Variants in TDRD12 observed in about 807,000 individuals in gnomAD.
TDRD12 encodes the protein tudor domain containing 12.
In TDRD12, 158 loss-of-function variants were observed where a neutral mutation model predicts 133.5. The observed-to-expected ratio is 1.18, with a 90% CI of 1.04 to 1.35. The LOEUF (loss-of-function observed/expected upper bound fraction) is 1.35, where lower values mean the gene tolerates loss of function less well. Among genes scored for constraint, TDRD12 ranks in the 40% most tolerant of loss-of-function variants. The pLI is 0.00. For synonymous variants in TDRD12, 460 were observed against 477.9 expected (o/e 0.96, Z 0.49); for missense variants, 1,443 against 1,321.3 (o/e 1.09, Z -1.43).
chr19:32,815,429 AT>A lies in TDRD12; in HGVS notation c.3142-13del. 6.6e-7 allele frequency: 1 copy of A among 1,525,824 alleles called. No homozygotes were observed. Among genetic ancestry groups the A allele is most frequent in the Non-Finnish European group, 8.8e-7 (1 of 1,140,124 alleles). The allele number at this position is 1,525,824 out of a possible 1,614,324, so 94.5% of individuals were successfully genotyped here. ...TCAGAGTGATTACTGCTAATGTTCA[AT>A]TTTTTCATTGATTCAAGGTGCACAT... On this transcript the variant is annotated intron_variant, in intron 25 of 27. Coordinates refer to ENST00000444215, the Ensembl canonical transcript of TDRD12.
At chr19:32,826,076 A>G (rs1182421486), downstream of TDRD12, 10 of 1,533,972 alleles carry the variant, frequency 6.5e-6, no homozygotes, top group Non-Finnish European at 8.7e-6. Context: ...CTGTAGGAAA[A>G]TATGACCTTG....
downstream of TDRD12, among the ~76,000 whole-genome samples, chr19:32,824,829 C>T (rs927638770): frequency 1.3e-5 from 2 of 152,004 alleles, no homozygotes; most frequent in Admixed American, 6.6e-5. Context: ...GGCCATGGCG[C>T]TCCTGTGATT....
At chr19:32,792,075 G>A (rs932015365) in intron 13 of TDRD12, among the ~76,000 whole-genome samples, 7 of 151,886 alleles carry the variant, frequency 4.6e-5, no homozygotes, top group East Asian at 1.9e-4. Flanking sequence ...GTGAAACCCC[G>A]TCTCTACTAA....
chr19:32,779,890 G>C, intron 11 of TDRD12, among the ~76,000 whole-genome samples: 1 of 152,074 alleles, frequency 6.6e-6, no homozygotes, highest in Non-Finnish European at 1.5e-5. Flanking sequence ...CGTCATCTCT[G>C]ATATTTAATG....
At position 32,749,764 on chromosome 19, in the gene TDRD12, T is replaced by C; in HGVS notation, c.497-20T>C. ...TACTTTTAACATCAGCTGATTTGTG[T>C]TTTCATTTATGCTATTTAGCAACTA... On this transcript the variant is annotated intron_variant, in intron 5 of 27. Transcript: ENST00000444215. 4.6e-6 allele frequency: 7 copies of C among 1,513,508 alleles called. No individual in the cohort carries two copies. The highest frequency in any genetic ancestry group is 6.3e-6 in the Non-Finnish European group (7 of 1,117,178). The allele number at this position is 1,513,508 out of a possible 1,614,324, so 93.8% of individuals were successfully genotyped here.
At position 32,745,079 on chromosome 19, in the gene TDRD12, C is replaced by T. The variant is rs190474607; in HGVS notation, c.440+2179C>T. Among the ~76,000 whole-genome samples the T allele has an allele frequency of 7.9e-5, 12 of 152,354 alleles. No individual in the cohort carries two copies. In the South Asian group the frequency reaches 2.1e-3, roughly 26 times the overall value. ...AGGCCGCCCTCCAGCCAGCCCCCCCCACTACTCACCGAAGGCTCTGGGAGT... is the reference window on the plus strand; with the variant it reads ...AGGCCGCCCTCCAGCCAGCCCCCCCTACTACTCACCGAAGGCTCTGGGAGT... On this transcript the variant is annotated intron_variant, in intron 4 of 27. Transcript: ENST00000444215.
chr19:32,787,791 G>C (rs1970951951), intron 11 of TDRD12, among the ~76,000 whole-genome samples: 1 of 152,218 alleles, frequency 6.6e-6, no homozygotes, highest in Admixed American at 6.5e-5. Context: ...TGTGAAGACT[G>C]GGAAAAGCGC....
In TDRD12 at chr19:32,801,828, G is replaced by T; in HGVS notation, c.2152G>T (p.Glu718Ter). The T allele has an allele frequency of 6.8e-7, 1 of 1,465,902 alleles. No homozygotes were observed. The highest frequency in any genetic ancestry group is 1.3e-5 in the South Asian group (1 of 78,056). 90.8% of individuals were successfully genotyped at this position (1,465,902 alleles called of 1,614,324 possible). Residue 718 changes from glutamate (E) to a stop codon, truncating the protein, a stop_gained, in exon 19 of 28, where the codon GAA (glutamate) becomes TAA (stop). Coordinates refer to ENST00000444215, the Ensembl canonical transcript of TDRD12. LOFTEE classifies it high-confidence loss of function. ...GATTTTTAACTTACAAAATGTTTTA[G>T]AACAGTGGAAGAAGAAGTTAAGTTC... is the stretch of plus-strand genomic sequence containing the variant.
exon 1 of TDRD12, chr19:32,719,781 CG>C (rs1251573554): frequency 1.9e-6 from 1 of 530,638 alleles, no homozygotes; most frequent in African/African-American, 2.0e-5. Flanking sequence ...TCAGCGTGCG[CG>C]GGCATCCGGT....
chr19:32,793,711 C>T (rs1483323829), intron 13 of TDRD12, among the ~76,000 whole-genome samples: 3 of 151,836 alleles, frequency 2.0e-5, no homozygotes, highest in Non-Finnish European at 2.9e-5. Flanking sequence ...GGAAAAGCCA[C>T]ATCTTTGATC....
At chr19:32,760,168 G>T (rs1453264579) in intron 8 of TDRD12, among the ~76,000 whole-genome samples, 1 of 152,206 alleles carries the variant, frequency 6.6e-6, no homozygotes, top group African/African-American at 2.4e-5. Flanking sequence ...AGGAGTCCCA[G>T]CTTGCTGGGC....
At chr19:32,732,601 T>G (rs1969093173) in intron 2 of TDRD12, among the ~76,000 whole-genome samples, 1 of 152,206 alleles carries the variant, frequency 6.6e-6, no homozygotes. Context: ...CCTCCTTGCC[T>G]TCTTGCAGAC....
At chr19:32,730,678 G>A (rs1424607060) in intron 1 of TDRD12, among the ~76,000 whole-genome samples, 1 of 150,350 alleles carries the variant, frequency 6.7e-6, no homozygotes, top group Non-Finnish European at 1.5e-5. Context: ...CAAATCTTGA[G>A]ATGTCATTTT....
chr19:32,814,069 A>G (rs1967095312), intron 25 of TDRD12, among the ~76,000 whole-genome samples: 1 of 152,212 alleles, frequency 6.6e-6, no homozygotes, highest in Non-Finnish European at 1.5e-5. Flanking sequence ...ACTCCATGCT[A>G]CATTCTCTGA....
chr19:32,808,432 G>T (rs372350794), intron 22 of TDRD12, among the ~76,000 whole-genome samples: 1 of 150,990 alleles, frequency 6.6e-6, no homozygotes, highest in South Asian at 2.1e-4. Flanking sequence ...CCTGTGGCTC[G>T]CCTGGCGTCC....
chr19:32,722,286 A>G (rs1412392806), intron 1 of TDRD12, among the ~76,000 whole-genome samples: 1 of 152,144 alleles, frequency 6.6e-6, no homozygotes, highest in Non-Finnish European at 1.5e-5. Context: ...TCCCGGCAGA[A>G]CTTTGATAGC....
intron 4 of TDRD12, among the ~76,000 whole-genome samples, chr19:32,747,682 C>T (rs750749086): frequency 2.6e-5 from 4 of 152,128 alleles, no homozygotes; most frequent in Middle Eastern, 3.4e-3. Flanking sequence ...AGTGAGAGGG[C>T]GCTAGGGTCA....
intron 4 of TDRD12, 88 bp from the exon 5 acceptor site, chr19:32,748,388 A>C: frequency 7.6e-7 from 1 of 1,312,560 alleles, no homozygotes; most frequent in Admixed American, 2.2e-5. Context: ...GTAGTGTGAG[A>C]AATGTCCAGT....
rs1971432379 is a variant in TDRD12 at position 32,802,644 on chromosome 19, C to A, written c.2198-12C>A. The A allele has an allele frequency of 6.5e-7, 1 of 1,535,378 alleles. No homozygotes were observed. Among genetic ancestry groups the A allele is most frequent in the East Asian group, 2.4e-5 (1 of 40,908 alleles). Reference sequence around the variant, plus strand: ...CCAGCGCGTGTGACATTGTCGGACTCCCTCTCTGCAGCCCTCACAGACGAC... The same window carrying A: ...CCAGCGCGTGTGACATTGTCGGACTACCTCTCTGCAGCCCTCACAGACGAC... On this transcript the variant is annotated splice_polypyrimidine_tract_variant and intron_variant, in intron 19 of 27. Transcript: ENST00000444215.
Sources: gnomAD v4.1 joint callset for allele counts (sites outside exome capture counted in the v4.1 genomes callset) on GRCh38, gnomAD v4.1.1 for gene constraint, MANE v1.5 for transcripts, NCBI Gene and HGNC (gene_info 2026-07-23, HGNC 2026-07-21) for gene names.